The following CDK5RAP2 variants were observed in gnomAD, a reference collection of about 807,000 sequenced individuals.
The protein encoded by CDK5RAP2 is CDK5 regulatory subunit-associated protein 2.
Under a neutral mutation model 232.9 loss-of-function variants are expected in CDK5RAP2, and 147 were observed. The ratio of observed to expected loss-of-function variants is 0.63; its 90% confidence interval spans 0.55 to 0.72. The LOEUF is 0.72. Ranked by LOEUF, CDK5RAP2 falls within the 30% of genes least tolerant of loss-of-function variation. CDK5RAP2 has a pLI of 0.00. For missense variants in CDK5RAP2, 2,195 were observed against 2,231.5 expected (o/e 0.98, Z 0.33); for synonymous variants, 833 against 833.7 (o/e 1.00, Z 0.01).
At chr9:120,540,129 C>T (rs2041565855) in intron 5 of CDK5RAP2, among the ~76,000 whole-genome samples, 1 of 152,120 alleles carries the variant, frequency 6.6e-6, no homozygotes, top group East Asian at 1.9e-4. Flanking sequence ...TCCACATGAC[C>T]GGCAGTGGTG....
chr9:120,490,435 G>T (rs919749497), intron 13 of CDK5RAP2, among the ~76,000 whole-genome samples: 10 of 152,190 alleles, frequency 6.6e-5, no homozygotes, highest in African/African-American at 2.2e-4. Context: ...GGTCTCCAGA[G>T]ATCTCCTGCT....
intron 2 of CDK5RAP2, 65 bp downstream of exon 2, chr9:120,571,909 C>G: frequency 7.8e-7 from 1 of 1,286,526 alleles, no homozygotes; most frequent in African/African-American, 1.5e-5. Context: ...GCTCAAGATG[C>G]TCACAGTCCA....
At chr9:120,533,800 A>C (rs1234395343) in intron 7 of CDK5RAP2, among the ~76,000 whole-genome samples, 1 of 142,494 alleles carries the variant, frequency 7.0e-6, no homozygotes, top group South Asian at 2.2e-4. Flanking sequence ...CTCCATCTAA[A>C]AAAAAAAAAA....
chr9:120,580,139 T>A lies in CDK5RAP2; in HGVS notation c.-161A>T, dbSNP rs1177101280. Reference sequence around the variant, plus strand: ...GGAATTCAAACCACAGACGCCGCCATCTTTCCCGGCGCTTCTTCCTACGGA... The same window carrying A: ...GGAATTCAAACCACAGACGCCGCCAACTTTCCCGGCGCTTCTTCCTACGGA... On this transcript the variant is annotated 5_prime_UTR_variant, in exon 1 of 38. The change abolishes an upstream ATG in the 5' untranslated region. Transcript: ENST00000349780. 4 of 588,038 alleles carry A rather than the reference T, an allele frequency of 6.8e-6. No individual in the cohort carries two copies. Among genetic ancestry groups the A allele is most frequent in the Non-Finnish European group, 1.2e-5 (4 of 323,850 alleles). The allele number at this position is 588,038 out of a possible 1,614,324, so 36.4% of individuals were successfully genotyped here.
intron 14 of CDK5RAP2, among the ~76,000 whole-genome samples, chr9:120,481,993 C>A (rs773711413): frequency 6.6e-6 from 1 of 152,176 alleles, no homozygotes; most frequent in Admixed American, 6.5e-5. Context: ...ATACTAGCTA[C>A]CAACATATCA....
At chr9:120,467,404 G>T (rs1023884221) in intron 18 of CDK5RAP2, among the ~76,000 whole-genome samples, 11 of 152,122 alleles carry the variant, frequency 7.2e-5, no homozygotes, top group Admixed American at 3.9e-4. Context: ...TGTGTCCGTG[G>T]AGACATGACT....
chr9:120,529,253 G>A (rs1404260630), intron 8 of CDK5RAP2, among the ~76,000 whole-genome samples: 3 of 152,204 alleles, frequency 2.0e-5, no homozygotes, highest in Non-Finnish European at 4.4e-5. Context: ...GTGAACATAC[G>A]ACATGCAGCA....
intron 36 of CDK5RAP2, chr9:120,390,102 A>G (rs1339742261): frequency 5.9e-6 from 2 of 341,232 alleles, no homozygotes. Context: ...CTGGCTGTCC[A>G]GGTATCCCTC....
chr9:120,440,079 G>A (rs1260050061), intron 23 of CDK5RAP2, 107 bp from the exon 24 acceptor site: 1 of 945,750 alleles, frequency 1.1e-6, no homozygotes, highest in Non-Finnish European at 1.7e-6. Flanking sequence ...GACCTAACAA[G>A]CCTCCCTCAA....
intron 2 of CDK5RAP2, among the ~76,000 whole-genome samples, chr9:120,569,520 G>A (rs1475303630): frequency 6.6e-6 from 1 of 152,200 alleles, no homozygotes; most frequent in East Asian, 1.9e-4. Flanking sequence ...AGTTACCTGG[G>A]GGAGAATTCT....
At chr9:120,408,298 T>C in intron 31 of CDK5RAP2, 49 bp downstream of exon 31, 1 of 1,611,138 alleles carries the variant, frequency 6.2e-7, no homozygotes, top group Non-Finnish European at 8.5e-7. Flanking sequence ...TGTCGGGTGG[T>C]CTTACAGCCC....
chr9:120,464,738 T>C (rs2037279711), intron 18 of CDK5RAP2, among the ~76,000 whole-genome samples: 1 of 152,106 alleles, frequency 6.6e-6, no homozygotes, highest in Non-Finnish European at 1.5e-5. Context: ...AAGAGGGTTA[T>C]AGTCCCATCT....
intron 11 of CDK5RAP2, among the ~76,000 whole-genome samples, chr9:120,521,830 A>G (rs2040679331): frequency 6.6e-6 from 1 of 151,760 alleles, no homozygotes; most frequent in Admixed American, 6.6e-5. Context: ...TATTTTTAGT[A>G]GATACTGGGT....
rs776825614 is a variant in CDK5RAP2, at chr9:120,545,777, T to C, written c.320A>G (p.Lys107Arg). ...EHIYKTNIEL[K>R]VEVESLKREL... is the part of the protein sequence containing the mutation. ...CCGCTTCAGACTTTCTACTTCCACC[T>C]TGAGCTCAATGTTCTACAAAACAAG... is the stretch of plus-strand genomic sequence containing the variant. The change falls in exon 5 of 38, where the codon AAG (lysine) becomes AGG (arginine). Residue 107 changes from lysine (K) to arginine (R), a missense_variant. Coordinates refer to ENST00000349780, the MANE Select transcript of CDK5RAP2 (RefSeq NM_018249.6). 3.7e-6 allele frequency: 6 copies of C among 1,613,144 alleles called. No individual in the cohort carries two copies. The East Asian group carries it at 6.7e-5, about 18-fold the overall frequency.
chr9:120,397,989 T>C (rs1020435608), intron 35 of CDK5RAP2, among the ~76,000 whole-genome samples: 2 of 152,218 alleles, frequency 1.3e-5, no homozygotes, highest in East Asian at 3.8e-4. Context: ...GATCCTTTCT[T>C]ACTAGGATGA....
rs1200865705 is a variant in CDK5RAP2, at chr9:120,528,757, T to A, written c.866A>T (p.Glu289Val). ...GTATCAACATACCTGGATCCTCTCT[T>A]CAAAGCTGTTTCTCTCCTTCTGATG... ...MEHQKERNSF[E>V]ERIQALEEDL... is the part of the protein sequence containing the mutation. Residue 289 changes from glutamate to valine, a missense_variant, in exon 9 of 38, where the codon GAA becomes GTA. By Grantham distance (121) the Glu-to-Val change is moderately radical. Transcript: ENST00000349780. 2 of 1,606,200 alleles carry A rather than the reference T, an allele frequency of 1.2e-6. No individual in the cohort carries two copies. Among genetic ancestry groups the A allele is most frequent in the Non-Finnish European group, 1.7e-6 (2 of 1,172,682 alleles).
At position 120,448,034 on chromosome 9, in the gene CDK5RAP2, C is replaced by T. The variant is rs781701751; in HGVS notation, c.2886G>A (p.Thr962=). 1.2e-5 allele frequency: 19 copies of T among 1,614,174 alleles called. No individual in the cohort carries two copies. The East Asian group carries it at 1.6e-4, about 13-fold the overall frequency. ...YRLPATQEVV[T]QLQSQILELQ... is the part of the protein sequence containing the mutation. ...GCTCCAAGATCTGGCTCTGCAGCTG[C>T]GTCACCACCTCCTGGGTGGCAGGGA... Residue 962 remains threonine (T), a synonymous_variant, in exon 22 of 38, where the codon ACG becomes ACA. Coordinates refer to ENST00000349780, the MANE Select transcript of CDK5RAP2 (RefSeq NM_018249.6).
At chr9:120,542,190 T>C (rs1394045950) in intron 5 of CDK5RAP2, among the ~76,000 whole-genome samples, 1 of 152,184 alleles carries the variant, frequency 6.6e-6, no homozygotes, top group Non-Finnish European at 1.5e-5. Context: ...TACTGCTGGG[T>C]GCTAGGAAGC....
At chr9:120,558,495 C>G (rs1362033762) in intron 3 of CDK5RAP2, among the ~76,000 whole-genome samples, 1 of 147,596 alleles carries the variant, frequency 6.8e-6, no homozygotes, top group Non-Finnish European at 1.5e-5. Context: ...TCTATTAGCT[C>G]TTTTTTCCAT....
Sources: gnomAD v4.1 joint callset for allele counts (sites outside exome capture counted in the v4.1 genomes callset) on GRCh38, gnomAD v4.1.1 for gene constraint, MANE v1.5 for transcripts, NCBI Gene and HGNC (gene_info 2026-07-23, HGNC 2026-07-21) for gene names.